Variants in CFAP20DC observed in about 807,000 individuals in gnomAD.
CFAP20DC encodes the protein protein CFAP20DC.
A neutral mutation model predicts 101.7 loss-of-function variants in CFAP20DC; 84 were observed. The observed-to-expected ratio is 0.83, with a 90% CI of 0.69 to 0.99. The LOEUF (loss-of-function observed/expected upper bound fraction) is 0.99. CFAP20DC is among the 50% of genes least tolerant of loss of function. CFAP20DC has a pLI of 0.00. For missense variants in CFAP20DC, 1,007 were observed against 970.3 expected (o/e 1.04, Z -0.50); for synonymous variants, 359 against 351.2 (o/e 1.02, Z -0.25).
chr3:59,035,545 T>A (rs1352714765), intron 4 of CFAP20DC, among the ~76,000 whole-genome samples: 2 of 152,134 alleles, frequency 1.3e-5, no homozygotes, highest in Admixed American at 6.5e-5. Flanking sequence ...CAAACTATCA[T>A]CAGAGAATAC....
At chr3:59,022,546 C>A (rs924175388) in intron 4 of CFAP20DC, among the ~76,000 whole-genome samples, 7 of 151,884 alleles carry the variant, frequency 4.6e-5, no homozygotes, top group Admixed American at 1.3e-4. Flanking sequence ...AGTTTACTTT[C>A]CAAGTTATAG....
chr3:58,968,072 T>C (rs1195814481), intron 4 of CFAP20DC, among the ~76,000 whole-genome samples: 1 of 152,240 alleles, frequency 6.6e-6, no homozygotes, highest in Non-Finnish European at 1.5e-5. Flanking sequence ...TAGTATTCCA[T>C]GTAGTATATG....
intron 7 of CFAP20DC, among the ~76,000 whole-genome samples, chr3:58,878,302 T>C (rs891371964): frequency 2.6e-5 from 4 of 152,110 alleles, no homozygotes; most frequent in African/African-American, 4.8e-5. Flanking sequence ...TAAAATAATA[T>C]TAAAAACTAA....
Position 58,912,869 on chromosome 3 carries a change from C to A in CFAP20DC, c.550+839G>T. 2.5e-6 allele frequency: 1 copy of A among 397,302 alleles called. No homozygotes were observed. The highest frequency in any genetic ancestry group is 4.9e-6 in the Non-Finnish European group (1 of 203,140). 24.6% of individuals were successfully genotyped at this position (397,302 alleles called of 1,614,324 possible). On this transcript the variant is annotated intron_variant, in intron 6 of 16. Transcript: ENST00000482387. This position sits in a 1 kb window ranked among gnomAD's most constrained non-coding sequence, Gnocchi z 4.4. Reference sequence around the variant, plus strand: ...GATCACTAGAAAATTAATATGATTTCTCCCAAATGACTTCCTGAAATGTAC... The same window carrying A: ...GATCACTAGAAAATTAATATGATTTATCCCAAATGACTTCCTGAAATGTAC...
In CFAP20DC at chr3:59,044,224, T is replaced by C. The variant is rs1699659168; in HGVS notation, c.205+2005A>G. Among the ~76,000 whole-genome samples the C allele has an allele frequency of 2.0e-5, 3 of 152,168 alleles. No homozygotes were observed. The South Asian group carries it at 6.2e-4, about 31-fold the overall frequency. On this transcript the variant is annotated intron_variant, in intron 3 of 16. Coordinates refer to ENST00000482387, the MANE Select transcript of CFAP20DC (RefSeq NM_001394063.1). ...TTAAAATAGGAATACATAACGGTAA[T>C]TGAATTTATAAATGTTAATTAAAAG...
intron 15 of CFAP20DC, among the ~76,000 whole-genome samples, chr3:58,797,280 G>T (rs560562947): frequency 6.6e-6 from 1 of 152,258 alleles, no homozygotes; most frequent in South Asian, 2.1e-4. Context: ...GAAATTCGAA[G>T]TACTTACTCC....
chr3:58,955,086 G>GACTT (rs1222191522), intron 4 of CFAP20DC, among the ~76,000 whole-genome samples: 2 of 151,676 alleles, frequency 1.3e-5, no homozygotes, highest in Non-Finnish European at 2.9e-5. Flanking sequence ...TATATTTAAG[G>GACTT]ACTTATGCAA....
chr3:58,971,010 C>G lies in CFAP20DC; in HGVS notation c.279-33248G>C, dbSNP rs2091917289. On this transcript the variant is annotated intron_variant, in intron 4 of 16. Transcript: ENST00000482387. The surrounding 1 kb of genome is among the most constrained non-coding windows in gnomAD (Gnocchi z 4.1). ...AATTCAAATTATACATCTGTAACAC[C>G]ACCCACTCTCCTAACCTCCCAAGCA... Among the ~76,000 whole-genome samples the G allele has an allele frequency of 6.6e-6, 1 of 152,090 alleles. No individual in the cohort carries two copies. Among genetic ancestry groups the G allele is most frequent in the Admixed American group, 6.6e-5 (1 of 15,254 alleles).
chr3:58,939,276 A>C (rs1236846059), intron 4 of CFAP20DC, among the ~76,000 whole-genome samples: 1 of 152,170 alleles, frequency 6.6e-6, no homozygotes, highest in Non-Finnish European at 1.5e-5. Context: ...TCATGTCATC[A>C]GAGACGCTAT....
intron 4 of CFAP20DC, among the ~76,000 whole-genome samples, chr3:59,031,008 GAGA>G (rs769752863): frequency 3.3e-5 from 5 of 152,078 alleles, no homozygotes; most frequent in Admixed American, 2.6e-4. Context: ...ATTTTTAGTA[GAGA>G]TGGGGTTTCA....
chr3:58,872,110 G>A (rs2080276300), intron 7 of CFAP20DC, among the ~76,000 whole-genome samples: 1 of 152,180 alleles, frequency 6.6e-6, no homozygotes, highest in Non-Finnish European at 1.5e-5. Flanking sequence ...GAGGGTGATA[G>A]CCTTTAACTG....
intron 4 of CFAP20DC, among the ~76,000 whole-genome samples, chr3:59,026,841 A>G (rs1312226380): frequency 6.6e-6 from 1 of 152,224 alleles, no homozygotes; most frequent in East Asian, 1.9e-4. Context: ...AAAAAATAAC[A>G]TAAGAGTAAC....
chr3:58,951,986 A>G (rs752102621), intron 4 of CFAP20DC, among the ~76,000 whole-genome samples: 3 of 152,238 alleles, frequency 2.0e-5, no homozygotes, highest in Admixed American at 6.5e-5. Context: ...GTTAACTTCC[A>G]CAAAAACGTC....
chr3:59,024,282 T>C (rs2093854379), intron 4 of CFAP20DC, among the ~76,000 whole-genome samples: 1 of 152,168 alleles, frequency 6.6e-6, no homozygotes, highest in South Asian at 2.1e-4. Context: ...TACTATACTG[T>C]AACCAATCTA....
intron 7 of CFAP20DC, among the ~76,000 whole-genome samples, chr3:58,881,890 C>A (rs1197224908): frequency 6.6e-6 from 1 of 152,102 alleles, no homozygotes; most frequent in Non-Finnish European, 1.5e-5. Context: ...ATTAGCTACA[C>A]CTTTCAAATG....
chr3:58,928,966 T>C (rs1576344832), intron 5 of CFAP20DC, among the ~76,000 whole-genome samples: 1 of 152,190 alleles, frequency 6.6e-6, no homozygotes, highest in African/African-American at 2.4e-5. Flanking sequence ...GGTAGAAACA[T>C]GAGGAAGACA....
rs543519953 is a variant in CFAP20DC at position 58,873,219 on chromosome 3, C to T, written c.716-2910G>A. Among the ~76,000 whole-genome samples the T allele has an allele frequency of 1.6e-4, 23 of 148,350 alleles. No homozygotes were observed. The East Asian group carries it at 1.9e-3, about 12-fold the overall frequency. On this transcript the variant is annotated intron_variant, in intron 7 of 16. Transcript: ENST00000482387. Reference sequence around the variant, plus strand: ...GATAGCCATTCTGGATGCTGTAAGGCGGGTGCTCAAGCAGAAGTCTGGATA... The same window carrying T: ...GATAGCCATTCTGGATGCTGTAAGGTGGGTGCTCAAGCAGAAGTCTGGATA...
rs1335600550 is a variant in CFAP20DC at position 58,884,667 on chromosome 3, A to G, written c.593T>C (p.Ile198Thr). ...VPFSTDEPTDIIPRSCQLMTD... is the reference protein window; with the variant it reads ...VPFSTDEPTDTIPRSCQLMTD... ...CATTAGTTGACAGCTTCGTGGTATA[A>G]TATCTGTAGGCTCATCTGTTGAAAA... Residue 198 changes from isoleucine (I) to threonine (T), a missense_variant, in exon 7 of 17, where the codon ATT (isoleucine) becomes ACT (threonine). By Grantham distance (89) the Ile-to-Thr change is moderately conservative (BLOSUM62 -1). Coordinates refer to ENST00000482387, the MANE Select transcript of CFAP20DC (RefSeq NM_001394063.1). The G allele has an allele frequency of 1.9e-6, 3 of 1,613,848 alleles. No individual in the cohort carries two copies. Among genetic ancestry groups the G allele is most frequent in the South Asian group, 1.1e-5 (1 of 91,052 alleles).
At chr3:58,847,589 C>T (rs537095914) in intron 13 of CFAP20DC, among the ~76,000 whole-genome samples, 279 of 152,230 alleles carry the variant, frequency 1.8e-3, no homozygotes, top group African/African-American at 6.5e-3. Context: ...CTAGTTCAAC[C>T]GTTGTGGAAG....
Sources: allele counts gnomAD v4.1 joint callset (sites outside exome capture counted in the v4.1 genomes callset), GRCh38; gene constraint gnomAD v4.1.1; non-coding constraint Gnocchi (gnomAD v3.1); transcripts MANE v1.5; gene names NCBI Gene and HGNC (gene_info 2026-07-23, HGNC 2026-07-21).